Variants in PRKCG observed in about 807,000 individuals in gnomAD.
PRKCG encodes protein kinase C gamma type.
Under a neutral mutation model 82.0 loss-of-function variants are expected in PRKCG, and 28 were observed. That is an observed-to-expected ratio of 0.34 (90% CI 0.25 to 0.47). PRKCG has a LOEUF of 0.47. Among genes scored for constraint, PRKCG ranks in the 20% least tolerant of loss-of-function variants. The pLI, the probability that PRKCG is intolerant of heterozygous loss-of-function variation, is 1.00. For missense variants in PRKCG, 640 were observed against 952.7 expected, an observed-to-expected ratio of 0.67 and a Z score of 4.32; for synonymous variants, 383 against 376.6, an observed-to-expected ratio of 1.02 and a Z score of -0.20.
chr19:53,902,306 C>G (rs964036462), intron 14 of PRKCG, among the ~76,000 whole-genome samples: 1 of 151,492 alleles, frequency 6.6e-6, no homozygotes, highest in Non-Finnish European at 1.5e-5. Context: ...CCCAGCTACT[C>G]AGGAGGCTGA....
chr19:53,882,156 C>G, upstream of PRKCG: 1 of 347,382 alleles, frequency 2.9e-6, no homozygotes. This position sits in a 1 kb window ranked among gnomAD's most constrained non-coding sequence, Gnocchi z 6.1. Context: ...ACCCCGCCCT[C>G]TCGGTCGTCC....
At position 53,892,445 on chromosome 19, in the gene PRKCG, G is replaced by A; in HGVS notation, c.687-64G>A. On this transcript the variant is annotated intron_variant, in intron 6 of 17. Transcript: ENST00000263431. This position sits in a 1 kb window ranked among gnomAD's most constrained non-coding sequence, Gnocchi z 5.9. The stretch of plus-strand genomic sequence containing the variant: ...GGTTTGCCCCCACCTCCAGCACCAA[G>A]GATGGGGAACCGAGGGGAGCCATGA... 1 of 1,577,142 alleles carries A rather than the reference G, an allele frequency of 6.3e-7. No homozygotes were observed. The highest frequency in any genetic ancestry group is 8.6e-7 in the Non-Finnish European group (1 of 1,167,040).
At chr19:53,904,281 CTCA>C (rs1430745000) in intron 15 of PRKCG, among the ~76,000 whole-genome samples, 6 of 151,706 alleles carry the variant, frequency 4.0e-5, no homozygotes, top group Admixed American at 3.9e-4. Context: ...CTGTGAACTA[CTCA>C]TCCAACCAGG....
chr19:53,890,509 C>T (rs1052807883), intron 5 of PRKCG, among the ~76,000 whole-genome samples: 9 of 152,016 alleles, frequency 5.9e-5, no homozygotes, highest in African/African-American at 2.2e-4. Flanking sequence ...CCCCTCGACT[C>T]GGCCTCCCAA....
intron 9 of PRKCG, among the ~76,000 whole-genome samples, chr19:53,894,837 T>C (rs552524712): frequency 1.4e-4 from 21 of 152,286 alleles, no homozygotes; most frequent in African/African-American, 5.1e-4. Context: ...GTGGAGCTCT[T>C]CTTCTAGTGG....
Position 53,882,563 on chromosome 19 carries a change from G to T in PRKCG, c.69G>T (p.Gly23=). The stretch of plus-strand genomic sequence containing the variant: ...CCCGGCCCCTGTTTTGCAGAAAGGG[G>T]GCCCTGAGGCAGAAGGTGGTCCACG... ...GGPRPLFCRK[G]ALRQKVVHEV... Residue 23 remains glycine (G), a synonymous_variant, in exon 1 of 18, where the codon GGG becomes GGT. Transcript: ENST00000263431. The surrounding 1 kb of genome is among the most constrained non-coding windows in gnomAD (Gnocchi z 6.1). 6.2e-7 allele frequency: 1 copy of T among 1,614,112 alleles called. No homozygotes were observed. The highest frequency in any genetic ancestry group is 8.5e-7 in the Non-Finnish European group (1 of 1,180,004).
rs1352298707 is a variant in PRKCG at position 53,884,274 on chromosome 19, C to G, written c.285+31C>G. On this transcript the variant is annotated intron_variant, in intron 3 of 17. Transcript: ENST00000263431. This position sits in a 1 kb window ranked among gnomAD's most constrained non-coding sequence, Gnocchi z 4.6. The stretch of plus-strand genomic sequence containing the variant: ...TGCTCGGACACCTGGTTCTCCTCCT[C>G]GGGCCGTGCCCCCGCCCTCACCCCC... The G allele has an allele frequency of 1.2e-6, 2 of 1,603,144 alleles. No homozygotes were observed. Among genetic ancestry groups the G allele is most frequent in the South Asian group, 2.2e-5 (2 of 90,856 alleles).
At position 53,883,836 on chromosome 19, in the gene PRKCG, C is replaced by T. The variant is rs906182393; in HGVS notation, c.203-325C>T. On this transcript the variant is annotated intron_variant, in intron 2 of 17. Coordinates refer to ENST00000263431, the MANE Select transcript of PRKCG (RefSeq NM_002739.5). This position sits in a 1 kb window ranked among gnomAD's most constrained non-coding sequence, Gnocchi z 5.4. ...CTCTCCTGGCTTTCTGATCTCCGTC[C>T]GTGGGCCTGTGTCTGTTTGTCAATG... Among the ~76,000 whole-genome samples the T allele has an allele frequency of 3.3e-5, 5 of 152,136 alleles. No individual in the cohort carries two copies. The highest frequency in any genetic ancestry group is 7.3e-5 in the Non-Finnish European group (5 of 68,028).
rs1282659071 is a variant in PRKCG at position 53,907,046 on chromosome 19, C to G, written c.*151C>G. On this transcript the variant is annotated 3_prime_UTR_variant, in exon 18 of 18. Transcript: ENST00000263431. Reference sequence around the variant, plus strand: ...CCCCCGCGGGTTCTAGACGCCCCTCCCAAGCGTTCCTGGCCTTCTGAACTC... The same window carrying G: ...CCCCCGCGGGTTCTAGACGCCCCTCGCAAGCGTTCCTGGCCTTCTGAACTC... 9.2e-6 allele frequency: 14 copies of G among 1,515,606 alleles called. No homozygotes were observed. The highest frequency in any genetic ancestry group is 2.5e-5 in the South Asian group (2 of 80,834). The allele number at this position is 1,515,606 out of a possible 1,614,324, so 93.9% of individuals were successfully genotyped here. A position where few individuals can be genotyped will look rare whatever the true frequency, so the allele number is the denominator to read the frequency against.
intron 14 of PRKCG, among the ~76,000 whole-genome samples, chr19:53,901,733 C>G (rs2068765246): frequency 6.6e-6 from 1 of 150,412 alleles, no homozygotes; most frequent in South Asian, 2.1e-4. Context: ...GCCTGTAGTC[C>G]CAGCTACTTG....
chr19:53,893,183 C>T, intron 8 of PRKCG, 108 bp downstream of exon 8: 1 of 1,277,006 alleles, frequency 7.8e-7, no homozygotes, highest in Non-Finnish European at 1.1e-6. Context: ...ACTACAGTTC[C>T]CAGAAGACCC....
At chr19:53,888,586 T>C (rs1361288050) in intron 3 of PRKCG, among the ~76,000 whole-genome samples, 1 of 152,244 alleles carries the variant, frequency 6.6e-6, no homozygotes, top group African/African-American at 2.4e-5. Context: ...CAGGGCTATG[T>C]AGGGACTTCA....
Position 53,889,830 on chromosome 19 carries a change from T to C in PRKCG, c.398-56T>C. ...GAAATGCCCGGGATGGGGTGGGGGG[T>C]GGAGTCTTGGCTTGGGGGCGGGGCC... On this transcript the variant is annotated intron_variant, in intron 4 of 17. Coordinates refer to ENST00000263431, the MANE Select transcript of PRKCG (RefSeq NM_002739.5). This position sits in a 1 kb window ranked among gnomAD's most constrained non-coding sequence, Gnocchi z 4.4. The C allele has an allele frequency of 6.4e-7, 1 of 1,556,728 alleles. No homozygotes were observed. The highest frequency in any genetic ancestry group is 8.7e-7 in the Non-Finnish European group (1 of 1,149,518).
At position 53,884,066 on chromosome 19, in the gene PRKCG, G is replaced by A. The variant is rs936077265; in HGVS notation, c.203-95G>A. The A allele has an allele frequency of 3.5e-5, 43 of 1,228,324 alleles. No individual in the cohort carries two copies. The highest frequency in any genetic ancestry group is 4.8e-5 in the Non-Finnish European group (40 of 838,586). The allele number at this position is 1,228,324 out of a possible 1,614,324, so 76.1% of individuals were successfully genotyped here. On this transcript the variant is annotated intron_variant, in intron 2 of 17. Transcript: ENST00000263431. The surrounding 1 kb of genome is among the most constrained non-coding windows in gnomAD (Gnocchi z 4.6). ...TCTCTTTCTGGTTTTCTCAGTGTCC[G>A]AGTTCCGCTCTCTCTTTCCAATTTT...
At position 53,906,852 on chromosome 19, in the gene PRKCG, A is replaced by C; in HGVS notation, c.2051A>C (p.Asp684Ala). 1 of 1,613,540 alleles carries C rather than the reference A, an allele frequency of 6.2e-7. No homozygotes were observed. The highest frequency in any genetic ancestry group is 8.5e-7 in the Non-Finnish European group (1 of 1,179,958). ...GTGAACCCCGACTTCGTGCACCCGGATGCCCGCAGCCCCACCAGCCCAGTG... is the reference window on the plus strand; with the variant it reads ...GTGAACCCCGACTTCGTGCACCCGGCTGCCCGCAGCCCCACCAGCCCAGTG... ...TYVNPDFVHP[D>A]ARSPTSPVPV... is the part of the protein sequence containing the mutation. Residue 684 changes from aspartate (D) to alanine (A), a missense_variant, in exon 18 of 18, where the codon GAT (aspartate) becomes GCT (alanine). This residue lies in a region of PRKCG where 198 missense variants were observed against 273.4 expected (regional missense o/e 0.72). Coordinates refer to ENST00000263431, the MANE Select transcript of PRKCG (RefSeq NM_002739.5).
chr19:53,906,544 G>C, intron 17 of PRKCG, 87 bp downstream of exon 17: 1 of 1,573,434 alleles, frequency 6.4e-7, no homozygotes, highest in Non-Finnish European at 8.6e-7. Flanking sequence ...TGGGGGTGGG[G>C]TTCCCTCTGC....
rs1335288108 is a variant in PRKCG at position 53,906,976 on chromosome 19, C to A, written c.*81C>A. The A allele has an allele frequency of 6.3e-7, 1 of 1,593,588 alleles. No individual in the cohort carries two copies. Among genetic ancestry groups the A allele is most frequent in the African/African-American group, 1.4e-5 (1 of 74,060 alleles). ...CCCCACTTCACCCCCAACTTCACCACCCCCTGTCCCATTCTAGATCCTGCA... is the reference window on the plus strand; with the variant it reads ...CCCCACTTCACCCCCAACTTCACCAACCCCTGTCCCATTCTAGATCCTGCA... On this transcript the variant is annotated 3_prime_UTR_variant, in exon 18 of 18. Coordinates refer to ENST00000263431, the MANE Select transcript of PRKCG (RefSeq NM_002739.5).
intron 16 of PRKCG, among the ~76,000 whole-genome samples, chr19:53,906,003 CTG>C (rs1289162437): frequency 2.5e-5 from 3 of 119,108 alleles, no homozygotes; most frequent in Admixed American, 7.7e-5. Flanking sequence ...CTGTCTCTCT[CTG>C]TCTCGCTCTC....
In PRKCG at chr19:53,892,961, C is replaced by T. The variant is rs371528652; in HGVS notation, c.822-27C>T. On this transcript the variant is annotated intron_variant, in intron 7 of 17. Transcript: ENST00000263431. The surrounding 1 kb of genome is among the most constrained non-coding windows in gnomAD (Gnocchi z 5.9). ...CCATGGGTGCCCCATCCCCGCTGCC[C>T]GCCTCTGGTCTCCGTCTGTATGTCA... is the stretch of plus-strand genomic sequence containing the variant. The T allele has an allele frequency of 1.2e-4, 190 of 1,607,880 alleles. No individual in the cohort carries two copies. The African/African-American group carries it at 1.9e-3, about 16-fold the overall frequency.
Sources: allele counts gnomAD v4.1 joint callset (sites outside exome capture counted in the v4.1 genomes callset), GRCh38; gene constraint gnomAD v4.1.1; regional missense constraint gnomAD v4.1.1; non-coding constraint Gnocchi (gnomAD v3.1); transcripts MANE v1.5; gene names NCBI Gene and HGNC (gene_info 2026-07-23, HGNC 2026-07-21).